SNX29: variants seen among roughly 807,000 people sequenced by gnomAD.
The protein encoded by SNX29 is sorting nexin-29.
A neutral mutation model predicts 102.1 loss-of-function variants in SNX29; 78 were observed. The observed-to-expected ratio is 0.76, with a 90% CI of 0.64 to 0.92. The LOEUF is 0.92. Ranked by LOEUF, SNX29 falls within the 40% of genes least tolerant of loss-of-function variation. The pLI is 0.00. For missense variants in SNX29, 1,280 were observed against 1,061.7 expected, an observed-to-expected ratio of 1.21 and a Z score of -2.86; for synonymous variants, 580 against 414.5, an observed-to-expected ratio of 1.40 and a Z score of -4.85.
At chr16:12,438,367 T>C (rs1424122700) in intron 18 of SNX29, among the ~76,000 whole-genome samples, 1 of 152,094 alleles carries the variant, frequency 6.6e-6, no homozygotes, top group Non-Finnish European at 1.5e-5. Context: ...TTATTTTCTT[T>C]CTGCTGGTGT....
chr16:12,368,146 G>A (rs1334599996), intron 16 of SNX29, among the ~76,000 whole-genome samples: 2 of 152,182 alleles, frequency 1.3e-5, no homozygotes, highest in African/African-American at 4.8e-5. Flanking sequence ...TACATGGCTT[G>A]CTCATCACCA....
intron 18 of SNX29, among the ~76,000 whole-genome samples, chr16:12,473,951 G>A (rs1025784461): frequency 1.3e-5 from 2 of 152,210 alleles, no homozygotes; most frequent in African/African-American, 4.8e-5. Flanking sequence ...TGTCTATGGA[G>A]TAGCGATTCT....
rs1441257196 is a variant in SNX29 at position 12,527,013 on chromosome 16, G to A, written c.2318+2172G>A. 2.2e-5 allele frequency: 9 copies of A among 400,282 alleles called. No individual in the cohort carries two copies. In the Admixed American group the frequency reaches 3.0e-4, roughly 14 times the overall value. The allele number at this position is 400,282 out of a possible 1,614,324, so 24.8% of individuals were successfully genotyped here. On this transcript the variant is annotated intron_variant, in intron 20 of 20. Coordinates refer to ENST00000566228, the MANE Select transcript of SNX29 (RefSeq NM_032167.5). ...CTTTTCAAAACGAGAATTTCAGTGG[G>A]AGACTGTGGCAAATGACACAGTGTT...
intron 8 of SNX29, among the ~76,000 whole-genome samples, chr16:12,055,182 A>C (rs1001218929): frequency 2.1e-4 from 31 of 147,372 alleles, no homozygotes; most frequent in Admixed American, 8.1e-4. Flanking sequence ...TTCTACCTCT[A>C]TCTGTACCTC....
chr16:12,532,234 T>C (rs1045101219), intron 20 of SNX29, among the ~76,000 whole-genome samples: 3 of 152,218 alleles, frequency 2.0e-5, no homozygotes, highest in Non-Finnish European at 4.4e-5. Flanking sequence ...TTGTGTACTT[T>C]CTGTGAGTGG....
chr16:12,567,841 C>T (rs1304069471), intron 20 of SNX29, among the ~76,000 whole-genome samples: 2 of 152,164 alleles, frequency 1.3e-5, no homozygotes, highest in Non-Finnish European at 1.5e-5. Context: ...GTGAAGCCTC[C>T]CAGCCTCTAC....
At chr16:12,467,627 C>CGTTT (rs1368791330) in intron 18 of SNX29, among the ~76,000 whole-genome samples, 1 of 132,256 alleles carries the variant, frequency 7.6e-6, no homozygotes, top group Non-Finnish European at 1.5e-5. Context: ...TTCGTTAGTT[C>CGTTT]GTTCGTTCGT....
At chr16:12,174,737 TAAA>T (rs1358840742) in intron 13 of SNX29, among the ~76,000 whole-genome samples, 1 of 152,182 alleles carries the variant, frequency 6.6e-6, no homozygotes, top group Non-Finnish European at 1.5e-5. Context: ...TGATGAACAA[TAAA>T]AAGATTAGGA....
intron 13 of SNX29, among the ~76,000 whole-genome samples, chr16:12,166,741 A>G (rs2056043826): frequency 6.6e-6 from 1 of 152,188 alleles, no homozygotes; most frequent in Non-Finnish European, 1.5e-5. Flanking sequence ...CAGCAGCTTC[A>G]GGCATCAGAG....
At chr16:12,236,797 C>G (rs1268843780) in intron 14 of SNX29, among the ~76,000 whole-genome samples, 2 of 152,204 alleles carry the variant, frequency 1.3e-5, no homozygotes, top group East Asian at 1.9e-4. Flanking sequence ...CTTCGGTGAT[C>G]AAGCATTTGG....
At chr16:12,558,270 C>G (rs2078496878) in intron 20 of SNX29, among the ~76,000 whole-genome samples, 1 of 152,114 alleles carries the variant, frequency 6.6e-6, no homozygotes, top group Admixed American at 6.5e-5. Flanking sequence ...TCTGAAATGT[C>G]AGGCTGAGCC....
intron 2 of SNX29, 100 bp from the exon 3 acceptor site, chr16:12,002,891 G>C (rs942683226): frequency 6.7e-6 from 9 of 1,347,188 alleles, no homozygotes; most frequent in Admixed American, 1.8e-5. Flanking sequence ...TTCTGGTCCC[G>C]TGTCCCCTCC....
chr16:12,392,180 T>C (rs1217823436), intron 16 of SNX29, among the ~76,000 whole-genome samples: 1 of 152,228 alleles, frequency 6.6e-6, no homozygotes, highest in Non-Finnish European at 1.5e-5. Context: ...GATCTCCTCC[T>C]CTTTAGAGGA....
At chr16:12,063,136 G>A (rs898270104) in intron 9 of SNX29, among the ~76,000 whole-genome samples, 1 of 152,136 alleles carries the variant, frequency 6.6e-6, no homozygotes, top group Non-Finnish European at 1.5e-5. Flanking sequence ...GATTATATCA[G>A]CTACCTTTGA....
chr16:12,416,720 A>G (rs570632953), intron 18 of SNX29, among the ~76,000 whole-genome samples: 3 of 152,274 alleles, frequency 2.0e-5, no homozygotes, highest in African/African-American at 4.8e-5. Context: ...GGCATGTCAC[A>G]TGGCAAGAGA....
At chr16:12,464,242 G>T (rs1025095543) in intron 18 of SNX29, among the ~76,000 whole-genome samples, 1 of 151,960 alleles carries the variant, frequency 6.6e-6, no homozygotes, top group East Asian at 1.9e-4. Context: ...GTGTGTGTGT[G>T]TGTACCACAT....
intron 18 of SNX29, among the ~76,000 whole-genome samples, chr16:12,453,355 G>A (rs2086391265): frequency 6.6e-6 from 1 of 152,218 alleles, no homozygotes; most frequent in Non-Finnish European, 1.5e-5. Flanking sequence ...TCTAGACTTG[G>A]CAGGTTTGCC....
chr16:12,469,012 C>T (rs553513467), intron 18 of SNX29, among the ~76,000 whole-genome samples: 7 of 152,352 alleles, frequency 4.6e-5, no homozygotes, highest in South Asian at 2.1e-4. Flanking sequence ...TCAGTTCTCT[C>T]CGAGACACAG....
chr16:12,333,578 A>G (rs1294138745), intron 15 of SNX29, among the ~76,000 whole-genome samples: 1 of 151,994 alleles, frequency 6.6e-6, no homozygotes, highest in Non-Finnish European at 1.5e-5. Flanking sequence ...TTTATCAAGC[A>G]CCTGTGATGG....
Sources: allele counts gnomAD v4.1 joint callset (sites outside exome capture counted in the v4.1 genomes callset), GRCh38; gene constraint gnomAD v4.1.1; transcripts MANE v1.5; gene names NCBI Gene and HGNC (gene_info 2026-07-23, HGNC 2026-07-21).